The following EPM2A variants were observed in gnomAD, a reference collection of about 807,000 sequenced individuals.
EPM2A encodes EPM2A glucan phosphatase, laforin.
In EPM2A, 21 loss-of-function variants were observed where a neutral mutation model predicts 26.5. The ratio of observed to expected loss-of-function variants is 0.79; its 90% CI spans 0.56 to 1.14. The LOEUF (loss-of-function observed/expected upper bound fraction) is 1.14. Ranked by LOEUF, EPM2A falls within the 50% of genes most tolerant of loss-of-function variation. The pLI, the probability that EPM2A is intolerant of heterozygous loss-of-function variation, is 0.00. For missense variants in EPM2A, 458 were observed against 440.8 expected (o/e 1.04, Z -0.35); for synonymous variants, 217 against 177.6 (o/e 1.22, Z -1.76).
chr6:145,488,543 GAGAGAGAT>G (rs1779709688), intron 4 of EPM2A, among the ~76,000 whole-genome samples: 1 of 150,902 alleles, frequency 6.6e-6, no homozygotes, highest in Non-Finnish European at 1.5e-5. Context: ...GAGAGAGAGA[GAGAGAGAT>G]ACTTTATTTT....
chr6:145,446,478 C>T (rs1779130451), intron 4 of EPM2A, among the ~76,000 whole-genome samples: 1 of 152,166 alleles, frequency 6.6e-6, no homozygotes, highest in Non-Finnish European at 1.5e-5. Flanking sequence ...AGATATCATA[C>T]ATGAAAAGTT....
chr6:145,568,395 C>G (rs554072099), intron 2 of EPM2A, among the ~76,000 whole-genome samples: 1 of 151,332 alleles, frequency 6.6e-6, no homozygotes, highest in Non-Finnish European at 1.5e-5. Context: ...TCTCTGCTCA[C>G]TGCAGCCTCT....
chr6:145,716,001 C>T (rs1159511976), intron 1 of EPM2A, among the ~76,000 whole-genome samples: 3 of 152,156 alleles, frequency 2.0e-5, no homozygotes, highest in African/African-American at 7.2e-5. Flanking sequence ...AAATTATCTA[C>T]CACAAAACTG....
chr6:145,638,998 C>T (rs1277928698), intron 2 of EPM2A: 1 of 152,106 alleles, frequency 6.6e-6, no homozygotes, highest in Non-Finnish European at 1.5e-5. Context: ...TTTTAGTCTT[C>T]TTTTGGTATC....
chr6:145,448,458 A>C (rs1406111252), intron 4 of EPM2A, among the ~76,000 whole-genome samples: 1 of 152,188 alleles, frequency 6.6e-6, no homozygotes, highest in Non-Finnish European at 1.5e-5. Context: ...CAGATTATTA[A>C]AGAAGAGAAA....
intron 2 of EPM2A, among the ~76,000 whole-genome samples, chr6:145,571,728 G>C (rs1267004371): frequency 6.6e-6 from 1 of 152,230 alleles, no homozygotes; most frequent in Non-Finnish European, 1.5e-5. Context: ...GTGAGTGGAA[G>C]TCCACGTTGC....
chr6:145,627,697 C>A lies in EPM2A; in HGVS notation c.719-4G>T, dbSNP rs145030227. On this transcript the variant is annotated splice_region_variant and splice_polypyrimidine_tract_variant and intron_variant, in intron 3 of 3. Coordinates refer to ENST00000367519, the MANE Select transcript of EPM2A (RefSeq NM_005670.4). ...TGGGGCAGCATCTGTACTCGGCCTG[C>A]GGTGGGGAAAGCACAGCACACATGT... 6 of 1,613,610 alleles carry A rather than the reference C, an allele frequency of 3.7e-6. No homozygotes were observed. In the African/African-American group the frequency reaches 4.0e-5, roughly 11 times the overall value.
chr6:145,443,929 T>A (rs565216947), intron 4 of EPM2A, among the ~76,000 whole-genome samples: 14 of 152,342 alleles, frequency 9.2e-5, no homozygotes, highest in African/African-American at 2.4e-4. Context: ...CCTTGCCTTA[T>A]GCCATGATTG....
chr6:145,396,746 C>T (rs1294890829), intron 4 of EPM2A, among the ~76,000 whole-genome samples: 3 of 152,190 alleles, frequency 2.0e-5, no homozygotes, highest in Non-Finnish European at 4.4e-5. Context: ...GTTATTGCCA[C>T]CCCATGGATG....
chr6:145,564,776 G>A (rs959753651), intron 2 of EPM2A, among the ~76,000 whole-genome samples: 5 of 151,756 alleles, frequency 3.3e-5, no homozygotes, highest in African/African-American at 1.2e-4. Flanking sequence ...TATATGGTGG[G>A]GGGGGGCAGG....
intron 1 of EPM2A, among the ~76,000 whole-genome samples, chr6:145,691,204 T>C (rs1239701468): frequency 6.6e-6 from 1 of 151,530 alleles, no homozygotes; most frequent in African/African-American, 2.4e-5. Flanking sequence ...TACCGAGACA[T>C]GACATATTTA....
At chr6:145,579,079 C>T (rs1477835438) in intron 2 of EPM2A, among the ~76,000 whole-genome samples, 1 of 151,896 alleles carries the variant, frequency 6.6e-6, no homozygotes, top group Admixed American at 6.6e-5. Context: ...TGCAGCACAC[C>T]AACATGGCAC....
chr6:145,669,040 AT>A (rs1285524277), intron 2 of EPM2A, among the ~76,000 whole-genome samples: 30 of 151,956 alleles, frequency 2.0e-4, no homozygotes, highest in Non-Finnish European at 7.4e-5. Context: ...TACACTCAGT[AT>A]TTTTTTCAGT....
intron 2 of EPM2A, among the ~76,000 whole-genome samples, chr6:145,524,608 AT>A (rs911244296): frequency 6.6e-6 from 1 of 151,994 alleles, no homozygotes; most frequent in African/African-American, 2.4e-5. Flanking sequence ...TCCTTTGCCC[AT>A]TTTTAAATGA....
At chr6:145,723,341 A>C (rs1241693260) in intron 1 of EPM2A, among the ~76,000 whole-genome samples, 3 of 152,044 alleles carry the variant, frequency 2.0e-5, no homozygotes, top group African/African-American at 7.2e-5. Flanking sequence ...ATTAGAGTTA[A>C]GGATTTTCAG....
intron 4 of EPM2A, among the ~76,000 whole-genome samples, chr6:145,442,192 C>G: frequency 6.6e-6 from 1 of 152,180 alleles, no homozygotes; most frequent in East Asian, 1.9e-4. Flanking sequence ...AACTTTCCCA[C>G]ATGTTCCTGT....
At chr6:145,719,230 CA>C (rs1418879502) in intron 1 of EPM2A, among the ~76,000 whole-genome samples, 1 of 149,362 alleles carries the variant, frequency 6.7e-6, no homozygotes, top group African/African-American at 2.5e-5. Flanking sequence ...CCCAAATGTC[CA>C]ACAATGATAG....
At chr6:145,715,517 C>A (rs1288118036) in intron 1 of EPM2A, among the ~76,000 whole-genome samples, 1 of 152,206 alleles carries the variant, frequency 6.6e-6, no homozygotes, top group African/African-American at 2.4e-5. Context: ...ATATGTTGTA[C>A]TTTAAATCAG....
intron 2 of EPM2A, among the ~76,000 whole-genome samples, chr6:145,551,333 C>T (rs1780653232): frequency 6.6e-6 from 1 of 151,908 alleles, no homozygotes; most frequent in Admixed American, 6.6e-5. Context: ...TGACTTTGCC[C>T]TGAGGATTTC....
Sources: allele counts gnomAD v4.1 joint callset (sites outside exome capture counted in the v4.1 genomes callset), GRCh38; gene constraint gnomAD v4.1.1; transcripts MANE v1.5; gene names NCBI Gene and HGNC (gene_info 2026-07-23, HGNC 2026-07-21).